Variants in MYRIP observed in about 807,000 individuals in gnomAD.
The protein encoded by MYRIP is myosin VIIA and Rab interacting protein.
Under a neutral mutation model 98.0 loss-of-function variants are expected in MYRIP, and 49 were observed. The observed-to-expected ratio is 0.50, with a 90% CI of 0.40 to 0.63. MYRIP has a LOEUF of 0.63. MYRIP is among the 30% of genes least tolerant of loss of function. The probability of loss-of-function intolerance (pLI) is 0.00; values close to 1 mark genes in which losing one functional copy is unlikely to be tolerated. For missense variants in MYRIP, 1,004 were observed against 1,058.2 expected (o/e 0.95, Z 0.71); for synonymous variants, 404 against 409.5 (o/e 0.99, Z 0.16).
chr3:39,910,611 A>C (rs375392616), intron 2 of MYRIP, among the ~76,000 whole-genome samples: 2 of 152,264 alleles, frequency 1.3e-5, no homozygotes. Context: ...GATCAAGTAT[A>C]AAAAATGTAA....
intron 1 of MYRIP, among the ~76,000 whole-genome samples, chr3:39,839,994 G>A (rs930794736): frequency 3.3e-5 from 5 of 152,120 alleles, no homozygotes; most frequent in Non-Finnish European, 7.3e-5. Context: ...GGGCCACTTG[G>A]TCCAGAGCTG....
chr3:40,164,457 C>T (rs1950462815), intron 5 of MYRIP, among the ~76,000 whole-genome samples: 1 of 152,196 alleles, frequency 6.6e-6, no homozygotes, highest in South Asian at 2.1e-4. Flanking sequence ...TAGGAAACTT[C>T]AGTTTTTGCT....
Position 40,038,647 on chromosome 3 carries a change from G to T in MYRIP, c.111-5403G>T, listed in dbSNP as rs533900963. On this transcript the variant is annotated intron_variant, in intron 2 of 16. Coordinates refer to ENST00000302541, the MANE Select transcript of MYRIP (RefSeq NM_015460.4). ...ACACTTGAAAACCTAAACAAAAATA[G>T]ATCATTTTTTAGGTTTCATAATTAA... 4.6e-5 allele frequency among the ~76,000 whole-genome samples: 7 copies of T among 152,078 alleles called. No homozygotes were observed. In the South Asian group the frequency reaches 1.5e-3, roughly 32 times the overall value.
Position 39,999,415 on chromosome 3 carries a change from C to T in MYRIP, c.111-44635C>T, listed in dbSNP as rs781048391. Among the ~76,000 whole-genome samples the T allele has an allele frequency of 8.1e-3, 1,236 of 152,206 alleles. 5 individuals carry two copies. Among genetic ancestry groups the T allele is most frequent in the Non-Finnish European group, 9.7e-3 (659 of 67,990 alleles). ...AAGACATTTATGCAGCCAACAGACA[C>T]GTGAAAAAATGCTCATCATCACTGG... On this transcript the variant is annotated intron_variant, in intron 2 of 16. Coordinates refer to ENST00000302541, the MANE Select transcript of MYRIP (RefSeq NM_015460.4).
Position 39,980,564 on chromosome 3 carries a change from A to C in MYRIP, c.111-63486A>C, listed in dbSNP as rs541130408. ...TCCTGTATCACTCAGAGTCAGACCC[A>C]AATGCCTGAAAATGTCTGCAAAGAT... On this transcript the variant is annotated intron_variant, in intron 2 of 16. Transcript: ENST00000302541. 3.2e-4 allele frequency among the ~76,000 whole-genome samples: 48 copies of C among 152,322 alleles called. No homozygotes were observed. The South Asian group carries it at 1.0e-2, about 32-fold the overall frequency.
At chr3:39,899,884 G>T (rs1046485599) in intron 1 of MYRIP, among the ~76,000 whole-genome samples, 9 of 152,114 alleles carry the variant, frequency 5.9e-5, no homozygotes, top group Admixed American at 2.0e-4. Flanking sequence ...GCACTGGCGC[G>T]ATCTCAGCTC....
In MYRIP at chr3:40,189,892, C is replaced by A. The variant is rs55785561; in HGVS notation, c.1094C>A (p.Pro365His). The A allele has an allele frequency of 6.2e-7, 1 of 1,614,134 alleles. No homozygotes were observed. Among genetic ancestry groups the A allele is most frequent in the Non-Finnish European group, 8.5e-7 (1 of 1,180,016 alleles). ...GCCCTGAAGGATGGCGCTCCACCCC[C>A]CACCCGACTACTGGCCAAACCTAAG... Reference protein sequence around the residue: ...WVALKDGAPPPTRLLAKPKSG... With the variant: ...WVALKDGAPPHTRLLAKPKSG... The change falls in exon 10 of 17, where the codon CCC (proline) becomes CAC (histidine). Residue 365 changes from proline (P) to histidine (H), a missense_variant. Physicochemically the swap from Pro to His is moderately conservative, Grantham distance 77. Around this residue, in one of 3 missense-constraint regions of MYRIP, gnomAD observed 880 missense variants for 907.7 expected, o/e 0.97. Coordinates refer to ENST00000302541, the MANE Select transcript of MYRIP (RefSeq NM_015460.4).
At chr3:40,204,708 T>C (rs9816025) in intron 10 of MYRIP, among the ~76,000 whole-genome samples, 8,280 of 152,164 alleles carry the variant, frequency 0.054, 732 homozygotes, top group African/African-American at 0.19. Flanking sequence ...TTCTCTGCCT[T>C]CACTGTCTTG....
At chr3:39,814,187 T>G (rs1383529913) in intron 1 of MYRIP, among the ~76,000 whole-genome samples, 2 of 152,186 alleles carry the variant, frequency 1.3e-5, no homozygotes, top group Non-Finnish European at 2.9e-5. Flanking sequence ...CATCTGTTAT[T>G]TTAGCTCTCC....
At chr3:40,132,520 C>A (rs971061668) in intron 3 of MYRIP, among the ~76,000 whole-genome samples, 10 of 152,212 alleles carry the variant, frequency 6.6e-5, no homozygotes, top group African/African-American at 1.7e-4. Context: ...GCTCTGAGAG[C>A]AAAAGTGTAA....
chr3:39,899,706 G>T (rs1943700898), intron 1 of MYRIP, among the ~76,000 whole-genome samples: 2 of 152,146 alleles, frequency 1.3e-5, no homozygotes, highest in Non-Finnish European at 2.9e-5. Flanking sequence ...AACTGTCATT[G>T]TCCCACTTCC....
intron 4 of MYRIP, among the ~76,000 whole-genome samples, chr3:40,154,152 A>C (rs942672609): frequency 1.3e-5 from 2 of 151,610 alleles, no homozygotes; most frequent in Non-Finnish European, 2.9e-5. Flanking sequence ...AAAAAAAAAA[A>C]ATTCATTGAA....
At chr3:40,075,408 G>A (rs1246870825) in intron 3 of MYRIP, among the ~76,000 whole-genome samples, 1 of 152,200 alleles carries the variant, frequency 6.6e-6, no homozygotes, top group East Asian at 1.9e-4. Context: ...ATGAAGTACT[G>A]AAGTAGATCC....
chr3:40,103,559 G>C (rs1284140246), intron 3 of MYRIP, among the ~76,000 whole-genome samples: 2 of 152,204 alleles, frequency 1.3e-5, no homozygotes, highest in Non-Finnish European at 2.9e-5. Flanking sequence ...AGGAGCTCGA[G>C]ACCAGCCTGA....
At chr3:40,082,343 C>T (rs898755768) in intron 3 of MYRIP, among the ~76,000 whole-genome samples, 14 of 152,198 alleles carry the variant, frequency 9.2e-5, no homozygotes, top group Admixed American at 6.5e-4. Context: ...ATGGAATCAG[C>T]CTGGCATTTA....
chr3:40,022,946 C>T (rs1043830319), intron 2 of MYRIP, among the ~76,000 whole-genome samples: 2 of 152,022 alleles, frequency 1.3e-5, no homozygotes, highest in Non-Finnish European at 2.9e-5. Context: ...AGATCCTAGG[C>T]AAAAATTCCA....
At chr3:39,865,159 G>A (rs1163814367) in intron 1 of MYRIP, among the ~76,000 whole-genome samples, 1 of 152,064 alleles carries the variant, frequency 6.6e-6, no homozygotes, top group Admixed American at 6.6e-5. Context: ...AGCTCAAGGT[G>A]GATTACAGAC....
At chr3:39,882,881 C>T (rs1943189678) in intron 1 of MYRIP, among the ~76,000 whole-genome samples, 1 of 151,792 alleles carries the variant, frequency 6.6e-6, no homozygotes, top group African/African-American at 2.4e-5. Context: ...ATTAATATAG[C>T]AGAAGAGTAT....
At position 40,034,477 on chromosome 3, in the gene MYRIP, C is replaced by A. The variant is rs1240747857; in HGVS notation, c.111-9573C>A. On this transcript the variant is annotated intron_variant, in intron 2 of 16. Coordinates refer to ENST00000302541, the MANE Select transcript of MYRIP (RefSeq NM_015460.4). ...GCCAAAAGACACATGAAAAAATGCT[C>A]ATCATCACTGGCCATCAGAGAAATG... Among the ~76,000 whole-genome samples, 6 of 152,086 alleles carry A rather than the reference C, an allele frequency of 3.9e-5. No individual in the cohort carries two copies. In the East Asian group the frequency reaches 9.7e-4, roughly 25 times the overall value.
Sources: gnomAD v4.1 joint callset for allele counts (sites outside exome capture counted in the v4.1 genomes callset) on GRCh38, gnomAD v4.1.1 for gene constraint, gnomAD v4.1.1 regional missense constraint, MANE v1.5 for transcripts, NCBI Gene and HGNC (gene_info 2026-07-23, HGNC 2026-07-21) for gene names.